Variants in ERBB4 observed in about 807,000 individuals in gnomAD.
The protein encoded by ERBB4 is receptor tyrosine-protein kinase erbB-4.
A neutral mutation model predicts 158.0 loss-of-function variants in ERBB4; 42 were observed. The ratio of observed to expected loss-of-function variants is 0.27; its 90% confidence interval spans 0.21 to 0.34. ERBB4 has a LOEUF of 0.34. ERBB4 is among the 10% of genes least tolerant of loss of function. The pLI, the probability that ERBB4 is intolerant of heterozygous loss-of-function variation, is 1.00. For synonymous variants in ERBB4, 583 were observed against 558.7 expected, an observed-to-expected ratio of 1.04 and a Z score of -0.61; for missense variants, 1,333 against 1,624.1, an observed-to-expected ratio of 0.82 and a Z score of 3.08.
At chr2:211,617,958 G>A (rs1311849919) in intron 19 of ERBB4, among the ~76,000 whole-genome samples, 3 of 151,870 alleles carry the variant, frequency 2.0e-5, no homozygotes, top group Admixed American at 6.6e-5. Flanking sequence ...AAAAAATAAC[G>A]GCATGATAAA....
At chr2:211,560,433 C>T (rs1162626495) in intron 20 of ERBB4, among the ~76,000 whole-genome samples, 1 of 151,514 alleles carries the variant, frequency 6.6e-6, no homozygotes, top group Non-Finnish European at 1.5e-5. Context: ...TGCCACCATG[C>T]CCAGCTAATT....
At chr2:212,096,452 G>A (rs528902632) in intron 2 of ERBB4, among the ~76,000 whole-genome samples, 3 of 152,210 alleles carry the variant, frequency 2.0e-5, no homozygotes, top group Admixed American at 6.5e-5. Context: ...GAGGCATTAA[G>A]ATGAGATCAG....
chr2:211,434,404 G>A (rs958209371), intron 20 of ERBB4, among the ~76,000 whole-genome samples: 2 of 152,078 alleles, frequency 1.3e-5, no homozygotes, highest in Non-Finnish European at 2.9e-5. Context: ...AGAGACCTTC[G>A]AGAGATCTGT....
chr2:212,271,086 G>T (rs996059433), intron 1 of ERBB4, among the ~76,000 whole-genome samples: 2 of 151,644 alleles, frequency 1.3e-5, no homozygotes, highest in Non-Finnish European at 3.0e-5. Flanking sequence ...CTATTTTATC[G>T]AGCAGTTATC....
chr2:212,297,447 G>A (rs1215992650), intron 1 of ERBB4, among the ~76,000 whole-genome samples: 1 of 151,808 alleles, frequency 6.6e-6, no homozygotes, highest in East Asian at 1.9e-4. Context: ...ATCCAGTTTT[G>A]CCTGTTTCTT....
intron 5 of ERBB4, among the ~76,000 whole-genome samples, chr2:211,735,385 A>G (rs2106165095): frequency 6.6e-6 from 1 of 152,318 alleles, no homozygotes; most frequent in South Asian, 2.1e-4. Context: ...ACTCCTATAT[A>G]TCTTCATTTA....
At chr2:211,796,210 T>C (rs1271072919) in intron 3 of ERBB4, among the ~76,000 whole-genome samples, 8 of 151,902 alleles carry the variant, frequency 5.3e-5, no homozygotes, top group African/African-American at 1.4e-4. Context: ...AGCAAGATAA[T>C]GTGTGCTTAT....
At chr2:212,169,109 T>C (rs1276404343) in intron 1 of ERBB4, among the ~76,000 whole-genome samples, 2 of 152,184 alleles carry the variant, frequency 1.3e-5, no homozygotes, top group African/African-American at 4.8e-5. Flanking sequence ...GAAATGAAAT[T>C]TATTATCTAA....
At chr2:211,932,064 G>C (rs1559127993) in intron 3 of ERBB4, among the ~76,000 whole-genome samples, 1 of 151,958 alleles carries the variant, frequency 6.6e-6, no homozygotes, top group Non-Finnish European at 1.5e-5. Flanking sequence ...CAAAACTCAG[G>C]CTTTTTTCTA....
intron 1 of ERBB4, among the ~76,000 whole-genome samples, chr2:212,208,579 T>C (rs1317093403): frequency 6.6e-6 from 1 of 152,160 alleles, no homozygotes; most frequent in Non-Finnish European, 1.5e-5. Context: ...TCACTAGTCT[T>C]GAAATGCAAC....
chr2:211,847,658 G>A (rs10932409), intron 3 of ERBB4, among the ~76,000 whole-genome samples: 32,941 of 151,730 alleles, frequency 0.22, 3,682 homozygotes, highest in South Asian at 0.33. Flanking sequence ...TTTTTGGCTC[G>A]TCAGCTATGG....
chr2:212,348,031 C>T (rs954997811), intron 1 of ERBB4, among the ~76,000 whole-genome samples: 1 of 152,010 alleles, frequency 6.6e-6, no homozygotes, highest in African/African-American at 2.4e-5. Flanking sequence ...TATGTATAAA[C>T]CAATGAACTA....
At chr2:211,804,005 A>G (rs2076557494) in intron 3 of ERBB4, among the ~76,000 whole-genome samples, 1 of 152,166 alleles carries the variant, frequency 6.6e-6, no homozygotes, top group African/African-American at 2.4e-5. Flanking sequence ...ATTTGTTGCA[A>G]TGGAGTAGAA....
intron 3 of ERBB4, among the ~76,000 whole-genome samples, chr2:211,856,804 T>G (rs2077878064): frequency 2.0e-5 from 3 of 152,146 alleles, no homozygotes; most frequent in Admixed American, 2.0e-4. Flanking sequence ...ATACAACTAT[T>G]ATTAATATAG....
intron 22 of ERBB4, among the ~76,000 whole-genome samples, chr2:211,424,653 A>G (rs763378201): frequency 1.3e-5 from 2 of 152,132 alleles, no homozygotes; most frequent in African/African-American, 4.8e-5. Flanking sequence ...TTCATCTACT[A>G]TATATACATA....
chr2:211,648,383 AAAT>A (rs759599004), intron 16 of ERBB4, among the ~76,000 whole-genome samples: 7 of 150,242 alleles, frequency 4.7e-5, no homozygotes, highest in Admixed American at 1.3e-4. Context: ...AAATGCATGT[AAAT>A]AATATTAAAT....
chr2:212,161,917 A>C (rs1318874708), intron 1 of ERBB4, among the ~76,000 whole-genome samples: 1 of 151,876 alleles, frequency 6.6e-6, no homozygotes, highest in Non-Finnish European at 1.5e-5. Context: ...ATTTTTCATC[A>C]GTTCATAAAT....
chr2:211,899,621 T>C (rs1207649376), intron 3 of ERBB4, among the ~76,000 whole-genome samples: 2 of 152,118 alleles, frequency 1.3e-5, no homozygotes, highest in African/African-American at 4.8e-5. Context: ...AGTTTGTTCA[T>C]GTCTCTAGTG....
chr2:211,460,104 G>GAATTGGGACTTTCCTGAATTCCAGGAAT (rs140483288), intron 20 of ERBB4, among the ~76,000 whole-genome samples: 19,143 of 151,776 alleles, frequency 0.13, 1,646 homozygotes, highest in South Asian at 0.37. Context: ...CCAATTCCAG[G>GAATTGGGACTTTCCTGAATTCCAGGAAT]TCAGACTTTC....
Sources: allele counts gnomAD v4.1 joint callset (sites outside exome capture counted in the v4.1 genomes callset), GRCh38; gene constraint gnomAD v4.1.1; transcripts MANE v1.5; gene names NCBI Gene and HGNC (gene_info 2026-07-23, HGNC 2026-07-21).